The following C10orf90 variants were observed in gnomAD, a reference collection of about 807,000 sequenced individuals.
C10orf90 encodes the protein (E2-independent) E3 ubiquitin-conjugating enzyme FATS.
A neutral mutation model predicts 62.5 loss-of-function variants in C10orf90; 56 were observed. The ratio of observed to expected loss-of-function variants is 0.90; its 90% confidence interval spans 0.72 to 1.12. The LOEUF (loss-of-function observed/expected upper bound fraction) is 1.12. C10orf90 is among the 50% of genes most tolerant of loss of function. The pLI, the probability that C10orf90 is intolerant of heterozygous loss-of-function variation, is 0.00. For missense variants in C10orf90, 970 were observed against 880.4 expected (o/e 1.10, Z -1.29); for synonymous variants, 386 against 340.4 (o/e 1.13, Z -1.47).
intron 2 of C10orf90, among the ~76,000 whole-genome samples, chr10:126,532,517 G>A (rs143996851): frequency 3.2e-4 from 49 of 152,046 alleles, no homozygotes; most frequent in Middle Eastern, 6.8e-3. Flanking sequence ...ATGAACCCCC[G>A]ATAAGTAAGG....
chr10:126,611,771 T>C (rs1845440355), intron 2 of C10orf90, among the ~76,000 whole-genome samples: 1 of 152,178 alleles, frequency 6.6e-6, no homozygotes, highest in African/African-American at 2.4e-5. Context: ...AAGGTGCTCT[T>C]GAACTGCTTC....
At chr10:126,658,299 G>A (rs1846437640) in intron 1 of C10orf90, among the ~76,000 whole-genome samples, 3 of 152,182 alleles carry the variant, frequency 2.0e-5, no homozygotes, top group Admixed American at 2.0e-4. Context: ...ATGCTGAAGT[G>A]ATGACACAGA....
At chr10:126,632,279 A>G (rs1458428075) in intron 2 of C10orf90, among the ~76,000 whole-genome samples, 6 of 151,970 alleles carry the variant, frequency 3.9e-5, no homozygotes, top group African/African-American at 1.5e-4. Flanking sequence ...TGACACAGGC[A>G]GTTGCTGGGC....
In C10orf90 at chr10:126,565,124, A is replaced by ATT. The variant is rs1224144240; in HGVS notation, c.314-51186_314-51185insAA. Among the ~76,000 whole-genome samples, 195 of 33,436 alleles carry ATT rather than the reference A, an allele frequency of 5.8e-3. 42 individuals carry two copies. The highest frequency in any genetic ancestry group is 6.6e-3 in the African/African-American group (44 of 6,638). 21.9% of individuals were successfully genotyped at this position (33,436 alleles called of 152,430 possible). ...ATATATAAAATATATATTATATAAT[A>ATT]TATAATATAAATATAATATTAAATA... On this transcript the variant is annotated intron_variant, in intron 2 of 9. Coordinates refer to ENST00000488181, the MANE Select transcript of C10orf90 (RefSeq NM_001350921.2).
In C10orf90 at chr10:126,565,128, A is replaced by ATTAC. The variant is rs1564874036; in HGVS notation, c.314-51190_314-51189insGTAA. On this transcript the variant is annotated intron_variant, in intron 2 of 9. Coordinates refer to ENST00000488181, the MANE Select transcript of C10orf90 (RefSeq NM_001350921.2). Reference sequence around the variant, plus strand: ...ATAAAATATATATTATATAATATATAATATAAATATAATATTAAATATGTA... The same window carrying ATTAC: ...ATAAAATATATATTATATAATATATATTACATATAAATATAATATTAAATATGTA... 4.8e-3 allele frequency among the ~76,000 whole-genome samples: 198 copies of ATTAC among 41,378 alleles called. 44 individuals carry two copies. Among genetic ancestry groups the ATTAC allele is most frequent in the Non-Finnish European group, 5.2e-3 (126 of 24,210 alleles). The allele number at this position is 41,378 out of a possible 152,430, so 27.1% of individuals were successfully genotyped here.
chr10:126,586,777 G>T (rs776316509), intron 2 of C10orf90, among the ~76,000 whole-genome samples: 52 of 152,082 alleles, frequency 3.4e-4, no homozygotes, highest in Non-Finnish European at 6.3e-4. Flanking sequence ...TAATGAGGAG[G>T]CTCTTCAACC....
At chr10:126,588,747 G>A (rs1844923909) in intron 2 of C10orf90, among the ~76,000 whole-genome samples, 1 of 152,176 alleles carries the variant, frequency 6.6e-6, no homozygotes, top group South Asian at 2.1e-4. Context: ...ACAAAGATGA[G>A]AGAGAATCAG....
At chr10:126,512,384 GTC>G (rs372625188) in intron 3 of C10orf90, among the ~76,000 whole-genome samples, 17,161 of 141,968 alleles carry the variant, frequency 0.12, 1,133 homozygotes, top group South Asian at 0.26. Context: ...GTGTGTGTGT[GTC>G]TGTGTGTGTG....
intron 7 of C10orf90, among the ~76,000 whole-genome samples, chr10:126,436,199 A>T (rs1179640645): frequency 1.3e-5 from 2 of 152,174 alleles, no homozygotes; most frequent in Non-Finnish European, 2.9e-5. Context: ...GAAACTTACA[A>T]TATGAATCCC....
chr10:126,567,410 G>T (rs1232124522), intron 2 of C10orf90, among the ~76,000 whole-genome samples: 4 of 152,138 alleles, frequency 2.6e-5, no homozygotes, highest in African/African-American at 9.7e-5. Flanking sequence ...TCCACCCCAT[G>T]ATCCAATCAC....
chr10:126,564,828 C>A (rs1457338972), intron 2 of C10orf90, among the ~76,000 whole-genome samples: 1 of 6,438 alleles, frequency 1.6e-4, no homozygotes, highest in African/African-American at 3.6e-4. Flanking sequence ...AAGACTCTCT[C>A]TCTCTATATA....
At chr10:126,550,113 G>T (rs111859226) in intron 2 of C10orf90, among the ~76,000 whole-genome samples, 5 of 151,946 alleles carry the variant, frequency 3.3e-5, no homozygotes, top group African/African-American at 1.2e-4. Flanking sequence ...CCGCCACCAC[G>T]CCTGGCTAAT....
chr10:126,623,471 C>A (rs992361021), intron 2 of C10orf90, among the ~76,000 whole-genome samples: 1 of 152,120 alleles, frequency 6.6e-6, no homozygotes, highest in East Asian at 1.9e-4. Context: ...CCTCTCACAT[C>A]ATTTTATTTT....
intron 7 of C10orf90, among the ~76,000 whole-genome samples, chr10:126,430,435 A>T (rs2133984597): frequency 6.6e-6 from 1 of 152,312 alleles, no homozygotes; most frequent in South Asian, 2.1e-4. Context: ...TCACTATGAG[A>T]CTGGGACTTT....
In C10orf90 at chr10:126,633,289, A is replaced by G. The variant is rs1845885867; in HGVS notation, c.313+13276T>C. ...GAGGCCTAGGACATCCCAGGGCCAC[A>G]TGATGTCTTGGAGAATATCTCACAG... On this transcript the variant is annotated intron_variant, in intron 2 of 9. Transcript: ENST00000488181. 2.6e-5 allele frequency among the ~76,000 whole-genome samples: 4 copies of G among 152,216 alleles called. No homozygotes were observed. The South Asian group carries it at 8.3e-4, about 32-fold the overall frequency.
intron 2 of C10orf90, among the ~76,000 whole-genome samples, chr10:126,565,417 T>TATTTTATATTATATTATATAATA (rs1844357772): frequency 6.5e-5 from 1 of 15,396 alleles, no homozygotes; most frequent in Non-Finnish European, 1.7e-4. Context: ...TAATATATAT[T>TATTTTATATTATATTATATAATA]ATATATATTA....
At chr10:126,658,952 G>T (rs1414899392) in intron 1 of C10orf90, among the ~76,000 whole-genome samples, 1 of 152,174 alleles carries the variant, frequency 6.6e-6, no homozygotes, top group Non-Finnish European at 1.5e-5. Flanking sequence ...CCTCCAGATT[G>T]CAGAGGCTGA....
chr10:126,637,099 A>C (rs919544779), intron 2 of C10orf90, among the ~76,000 whole-genome samples: 2 of 152,210 alleles, frequency 1.3e-5, no homozygotes, highest in African/African-American at 4.8e-5. Context: ...AAAATAATGC[A>C]TAAGCCCAAC....
intron 4 of C10orf90, among the ~76,000 whole-genome samples, chr10:126,502,124 A>G: frequency 6.6e-6 from 1 of 151,466 alleles, no homozygotes; most frequent in Non-Finnish European, 1.5e-5. Context: ...CACACCACAC[A>G]CACACAACAC....
Sources: allele counts gnomAD v4.1 joint callset (sites outside exome capture counted in the v4.1 genomes callset), GRCh38; gene constraint gnomAD v4.1.1; transcripts MANE v1.5; gene names NCBI Gene and HGNC (gene_info 2026-07-23, HGNC 2026-07-21).